The following NSD2 variants were observed in gnomAD, a reference collection of about 807,000 sequenced individuals.
NSD2 encodes the protein histone-lysine N-methyltransferase NSD2.
Under a neutral mutation model 139.0 loss-of-function variants are expected in NSD2, and 12 were observed. That is an observed-to-expected ratio of 0.09 (90% CI 0.06 to 0.14). NSD2 has a LOEUF of 0.14. Among genes scored for constraint, NSD2 ranks in the 10% least tolerant of loss-of-function variants. The probability of loss-of-function intolerance (pLI) is 1.00; values close to 1 mark genes in which losing one functional copy is unlikely to be tolerated. For missense variants in NSD2, 1,155 were observed against 1,745.0 expected (o/e 0.66, Z 6.02); for synonymous variants, 669 against 648.7 (o/e 1.03, Z -0.48).
Position 1,979,036 on chromosome 4 carries a change from T to A in NSD2, c.*127T>A. 1 of 1,248,886 alleles carries A rather than the reference T, an allele frequency of 8.0e-7. No homozygotes were observed. Among genetic ancestry groups the A allele is most frequent in the South Asian group, 1.8e-5 (1 of 54,334 alleles). The allele number at this position is 1,248,886 out of a possible 1,614,324, so 77.4% of individuals were successfully genotyped here. On this transcript the variant is annotated 3_prime_UTR_variant, in exon 22 of 22. Coordinates refer to ENST00000508803, the MANE Select transcript of NSD2 (RefSeq NM_001042424.3). The stretch of plus-strand genomic sequence containing the variant: ...CCGCCAGGACACAGACGTACAGGCC[T>A]CCTCGGGAGGGAGCGCCTCCCCACC...
Position 1,979,638 on chromosome 4 carries a change from G to A in NSD2, c.*729G>A, listed in dbSNP as rs917014103. On this transcript the variant is annotated 3_prime_UTR_variant, in exon 22 of 22. Transcript: ENST00000508803. ...CGCGGAGCACTTTCGAGGCCTGGCCGGGTTGGGCCTACTTCTCACCTGGGC... is the reference window on the plus strand; with the variant it reads ...CGCGGAGCACTTTCGAGGCCTGGCCAGGTTGGGCCTACTTCTCACCTGGGC... 4.3e-6 allele frequency: 1 copy of A among 232,524 alleles called. No homozygotes were observed. The highest frequency in any genetic ancestry group is 2.2e-5 in the African/African-American group (1 of 45,300). 14.4% of individuals were successfully genotyped at this position (232,524 alleles called of 1,614,324 possible). A position where few individuals can be genotyped will look rare whatever the true frequency, so the allele number is the denominator to read the frequency against.
chr4:1,921,161 G>C (rs1209558845), intron 5 of NSD2, among the ~76,000 whole-genome samples: 1 of 152,102 alleles, frequency 6.6e-6, no homozygotes, highest in African/African-American at 2.4e-5. Context: ...TGAAACTTTA[G>C]AAGCATTCTC....
chr4:1,954,107 C>T (rs1038273586), intron 12 of NSD2, among the ~76,000 whole-genome samples: 9 of 152,034 alleles, frequency 5.9e-5, no homozygotes, highest in African/African-American at 1.9e-4. Context: ...TGCCTCATCC[C>T]TTCAGTAGCT....
intron 1 of NSD2, among the ~76,000 whole-genome samples, chr4:1,872,128 C>T (rs1377078588): frequency 6.6e-6 from 1 of 151,946 alleles, no homozygotes; most frequent in Non-Finnish European, 1.5e-5. Context: ...TCGCGGCGCC[C>T]GGGCGTTGGT....
At chr4:1,957,851 A>C (rs1461465329) in intron 15 of NSD2, 82 bp from the exon 16 acceptor site, 8 of 1,285,298 alleles carry the variant, frequency 6.2e-6, no homozygotes, top group Non-Finnish European at 8.8e-6. Flanking sequence ...GAAAGTTTAG[A>C]GTGAACTATA....
At chr4:1,929,057 T>G (rs1721306871) in intron 5 of NSD2, among the ~76,000 whole-genome samples, 1 of 151,982 alleles carries the variant, frequency 6.6e-6, no homozygotes, top group Non-Finnish European at 1.5e-5. Flanking sequence ...GAAGGTGTCC[T>G]CAAGGTGGGA....
At chr4:1,957,861 A>C (rs1255778543) in intron 15 of NSD2, 72 bp from the exon 16 acceptor site, 14 of 1,395,514 alleles carry the variant, frequency 1.0e-5, no homozygotes, top group Middle Eastern at 2.0e-4. Context: ...AGTGAACTAT[A>C]AAAATATGGA....
chr4:1,915,072 A>G (rs898498434), intron 3 of NSD2, among the ~76,000 whole-genome samples: 1 of 131,036 alleles, frequency 7.6e-6, no homozygotes, highest in African/African-American at 2.8e-5. Flanking sequence ...GAGATTTCTT[A>G]TCTTCCAAGC....
chr4:1,940,941 A>G (rs1723030609), intron 9 of NSD2: 3 of 1,057,030 alleles, frequency 2.8e-6, no homozygotes, highest in South Asian at 9.1e-5. Flanking sequence ...GCAGGGACTC[A>G]AACCAACTCA....
rs765759709 is a variant in NSD2, at chr4:1,975,313, C to T, written c.3534C>T (p.Asn1178=). The part of the protein sequence containing the change: ...DIPAGTELTF[N]YNLDCLGNEK... ...TCCCAGGGACGGAGCTGACTTTTAA[C>T]TACAACCTCGATTGTCTGGGCAATG... Residue 1178 remains asparagine, a synonymous_variant, in exon 20 of 22, where the codon AAC becomes AAT. Coordinates refer to ENST00000508803, the MANE Select transcript of NSD2 (RefSeq NM_001042424.3). 7 of 1,614,096 alleles carry T rather than the reference C, an allele frequency of 4.3e-6. No homozygotes were observed. Among genetic ancestry groups the T allele is most frequent in the Middle Eastern group, 1.6e-4 (1 of 6,084 alleles).
intron 9 of NSD2, chr4:1,940,158 A>G (rs1176677348): frequency 1.4e-5 from 16 of 1,115,248 alleles, no homozygotes; most frequent in Non-Finnish European, 1.8e-5. Context: ...AGTTGAGCTG[A>G]CATATACTGG....
intron 9 of NSD2, chr4:1,945,861 G>C (rs997427644): frequency 4.7e-6 from 5 of 1,061,018 alleles, no homozygotes; most frequent in Admixed American, 5.4e-5. Context: ...AAATAAGGTC[G>C]TTATGACTTT....
intron 9 of NSD2, chr4:1,945,361 TGCCCTG>T (rs770343907): frequency 3.0e-5 from 32 of 1,065,360 alleles, no homozygotes; most frequent in African/African-American, 1.8e-4. Context: ...GCTCCTGTGC[TGCCCTG>T]GCCCTGGCCT....
rs1386895457 is a variant in NSD2 at position 1,956,302 on chromosome 4, CTG to C, written c.2881+116_2881+117del. 4 of 947,930 alleles carry C rather than the reference CTG, an allele frequency of 4.2e-6. No homozygotes were observed. In the East Asian group the frequency reaches 1.1e-4, roughly 26 times the overall value. The allele number at this position is 947,930 out of a possible 1,614,324, so 58.7% of individuals were successfully genotyped here. On this transcript the variant is annotated intron_variant, in intron 15 of 21. Transcript: ENST00000508803. The surrounding 1 kb of genome is among the most constrained non-coding windows in gnomAD (Gnocchi z 5.3). ...GAAAATACTGGACTAAGCATTCAAT[CTG>C]TTTTTTTAAATTAGGAAAATGTTTG... is the stretch of plus-strand genomic sequence containing the variant.
chr4:1,981,389 T>C lies in NSD2; in HGVS notation c.*2480T>C, dbSNP rs1727749222. On this transcript the variant is annotated 3_prime_UTR_variant, in exon 22 of 22. Coordinates refer to ENST00000508803, the MANE Select transcript of NSD2 (RefSeq NM_001042424.3). Reference sequence around the variant, plus strand: ...TGGCTGGCTCTCGGCCCTGCCCAGCTTTGTTCTGAGGACGTGGTGACTTCC... The same window carrying C: ...TGGCTGGCTCTCGGCCCTGCCCAGCCTTGTTCTGAGGACGTGGTGACTTCC... 2 of 233,588 alleles carry C rather than the reference T, an allele frequency of 8.6e-6. No individual in the cohort carries two copies. Among genetic ancestry groups the C allele is most frequent in the East Asian group, 1.2e-4 (2 of 16,608 alleles). The allele number at this position is 233,588 out of a possible 1,614,324, so 14.5% of individuals were successfully genotyped here.
Position 1,942,450 on chromosome 4 carries a change from A to T in NSD2, c.1881+2672A>T. 1 of 1,566,314 alleles carries T rather than the reference A, an allele frequency of 6.4e-7. No homozygotes were observed. Among genetic ancestry groups the T allele is most frequent in the Admixed American group, 2.0e-5 (1 of 50,312 alleles). On this transcript the variant is annotated intron_variant, in intron 9 of 21. Coordinates refer to ENST00000508803, the MANE Select transcript of NSD2 (RefSeq NM_001042424.3). This position sits in a 1 kb window ranked among gnomAD's most constrained non-coding sequence, Gnocchi z 4.0. ...TGCTGCAGGTGGCGTATCATCGTAC[A>T]CACTCAGTGACATTTCTATCACAAT...
At chr4:1,957,045 G>C (rs980121121) in intron 15 of NSD2, among the ~76,000 whole-genome samples, 21 of 152,218 alleles carry the variant, frequency 1.4e-4, no homozygotes, top group African/African-American at 4.8e-4. Flanking sequence ...TGCTGCGACT[G>C]TCGGCAAAGT....
intron 1 of NSD2, among the ~76,000 whole-genome samples, chr4:1,895,034 A>AT (rs761882779): frequency 6.6e-6 from 1 of 152,032 alleles, no homozygotes; most frequent in Admixed American, 6.6e-5. Context: ...ATTTTACAGT[A>AT]TTTGTCTTTT....
At position 1,955,188 on chromosome 4, in the gene NSD2, C is replaced by T. The variant is rs1724681450; in HGVS notation, c.2366C>T (p.Pro789Leu). ...KGKMMRCVRC[P>L]VAYHSGDACL... Reference sequence around the variant, plus strand: ...AAAATGATGCGGTGTGTCCGCTGCCCCGTTGCCTATCACAGCGGGGATGCT... The same window carrying T: ...AAAATGATGCGGTGTGTCCGCTGCCTCGTTGCCTATCACAGCGGGGATGCT... The change falls in exon 13 of 22, where the codon CCC becomes CTC. Residue 789 changes from proline to leucine, a missense_variant. Transcript: ENST00000508803. The surrounding 1 kb of genome is among the most constrained non-coding windows in gnomAD (Gnocchi z 4.7). 6.2e-7 allele frequency: 1 copy of T among 1,613,134 alleles called. No individual in the cohort carries two copies. Among genetic ancestry groups the T allele is most frequent in the Admixed American group, 1.7e-5 (1 of 60,000 alleles).
Sources: allele counts gnomAD v4.1 joint callset (sites outside exome capture counted in the v4.1 genomes callset), GRCh38; gene constraint gnomAD v4.1.1; non-coding constraint Gnocchi (gnomAD v3.1); transcripts MANE v1.5; gene names NCBI Gene and HGNC (gene_info 2026-07-23, HGNC 2026-07-21).